Variants in SCAF4 observed in about 807,000 individuals in gnomAD.
SCAF4 encodes the protein SR-related CTD associated factor 4.
Under a neutral mutation model 129.8 loss-of-function variants are expected in SCAF4, and 25 were observed. That is an observed-to-expected ratio of 0.19 (90% CI 0.14 to 0.27). The LOEUF (loss-of-function observed/expected upper bound fraction) is 0.27, where lower values mean the gene tolerates loss of function less well. SCAF4 is among the 10% of genes least tolerant of loss of function. The probability of loss-of-function intolerance (pLI) is 1.00; values close to 1 mark genes in which losing one functional copy is unlikely to be tolerated. For synonymous variants in SCAF4, 551 were observed against 497.7 expected (o/e 1.11, Z -1.43); for missense variants, 1,246 against 1,457.1 (o/e 0.86, Z 2.36).
At chr21:31,729,100 AACAGTTTTGATTACATTATCCC>A (rs2051281419) in intron 1 of SCAF4, among the ~76,000 whole-genome samples, 1 of 152,198 alleles carries the variant, frequency 6.6e-6, no homozygotes, top group Non-Finnish European at 1.5e-5. Flanking sequence ...CTACGAACGA[AACAGTTTTGATTACATTATCCC>A]ACTGCTTAAA....
At chr21:31,678,963 T>C (rs1601181781) in intron 19 of SCAF4, among the ~76,000 whole-genome samples, 1 of 152,144 alleles carries the variant, frequency 6.6e-6, no homozygotes, top group East Asian at 1.9e-4. Context: ...TGGCACACAA[T>C]GGTTATTGAT....
chr21:31,688,531 G>T (rs2050184420), intron 15 of SCAF4, 67 bp from the exon 16 acceptor site: 1 of 1,316,980 alleles, frequency 7.6e-7, no homozygotes, highest in Non-Finnish European at 1.1e-6. Context: ...ATCTAGAAAT[G>T]AAAAATGTTG....
chr21:31,674,378 C>T (rs912909211), intron 19 of SCAF4, among the ~76,000 whole-genome samples: 3 of 152,144 alleles, frequency 2.0e-5, no homozygotes, highest in Non-Finnish European at 4.4e-5. Flanking sequence ...TTGCTTAAAA[C>T]ATTATACACT....
chr21:31,720,724 A>G (rs1247392580), intron 1 of SCAF4, among the ~76,000 whole-genome samples: 1 of 152,256 alleles, frequency 6.6e-6, no homozygotes, highest in African/African-American at 2.4e-5. Flanking sequence ...CTCATTAGCC[A>G]GCACCTGGTT....
chr21:31,694,139 T>C (rs1648881217), intron 11 of SCAF4, 65 bp downstream of exon 11: 36 of 862,864 alleles, frequency 4.2e-5, no homozygotes, highest in South Asian at 3.1e-4. Flanking sequence ...AATAACCCAA[T>C]CTAATTTTAA....
At chr21:31,677,228 T>C (rs1215420072) in intron 19 of SCAF4, among the ~76,000 whole-genome samples, 1 of 152,166 alleles carries the variant, frequency 6.6e-6, no homozygotes, top group Non-Finnish European at 1.5e-5. Context: ...ACACCTGTTA[T>C]TTGTACCCTG....
At chr21:31,727,782 T>A (rs1224847459) in intron 1 of SCAF4, among the ~76,000 whole-genome samples, 1 of 151,400 alleles carries the variant, frequency 6.6e-6, no homozygotes, top group Admixed American at 6.6e-5. Flanking sequence ...AGAGCGGGTC[T>A]CCACCTTAAA....
chr21:31,693,412 C>T lies in SCAF4; in HGVS notation c.1395G>A (p.Arg465=). Residue 465 remains arginine (R), a synonymous_variant, in exon 12 of 20, where the codon CGG becomes CGA. Transcript: ENST00000286835. ...GAGAATGTCGGCGTCTATCCCTGGA[C>T]CGAGATCGAGAACGTCGATGCCGAG... The part of the protein sequence containing the change: ...RRSRHRRSRS[R]SRDRRRHSPR... 1 of 1,573,298 alleles carries T rather than the reference C, an allele frequency of 6.4e-7. No individual in the cohort carries two copies. Among genetic ancestry groups the T allele is most frequent in the Non-Finnish European group, 8.7e-7 (1 of 1,151,382 alleles).
intron 16 of SCAF4, among the ~76,000 whole-genome samples, chr21:31,688,106 C>G (rs553437418): frequency 2.0e-3 from 91 of 45,590 alleles, no homozygotes; most frequent in African/African-American, 0.01. Flanking sequence ...CAAAGAGAGA[C>G]TCTGTCTCAA....
rs1477015250 is a variant in SCAF4 at position 31,691,949 on chromosome 21, A to G, written c.1615-19T>C. 1 of 1,302,050 alleles carries G rather than the reference A, an allele frequency of 7.7e-7. No homozygotes were observed. Among genetic ancestry groups the G allele is most frequent in the Non-Finnish European group, 1.1e-6 (1 of 920,828 alleles). The allele number at this position is 1,302,050 out of a possible 1,614,324, so 80.7% of individuals were successfully genotyped here. On this transcript the variant is annotated intron_variant, in intron 13 of 19. Coordinates refer to ENST00000286835, the MANE Select transcript of SCAF4 (RefSeq NM_020706.2). ...GAATCATCTGCTCCAAAACATTTTA[A>G]TATTATAAAAGATAACAAAATTGAA...
chr21:31,696,012 G>T, intron 9 of SCAF4, 101 bp downstream of exon 9: 1 of 690,512 alleles, frequency 1.4e-6, no homozygotes, highest in South Asian at 2.9e-5. Context: ...GATATAGTAC[G>T]ACTTAGCCAA....
At chr21:31,699,971 GTTGC>G (rs1259390315) in intron 7 of SCAF4, among the ~76,000 whole-genome samples, 1 of 151,800 alleles carries the variant, frequency 6.6e-6, no homozygotes, top group Non-Finnish European at 1.5e-5. Context: ...CTTTTTTGTT[GTTGC>G]TTGTTTTTTA....
chr21:31,700,741 CT>C (rs79606547), intron 7 of SCAF4: 19,168 of 289,406 alleles, frequency 0.066, 27 homozygotes, highest in Non-Finnish European at 0.078. Context: ...CTAACTTTTT[CT>C]TTTTTTTTTT....
chr21:31,731,089 A>C (rs1318727610), intron 1 of SCAF4, among the ~76,000 whole-genome samples: 4 of 152,202 alleles, frequency 2.6e-5, no homozygotes, highest in Non-Finnish European at 5.9e-5. Context: ...CTATTTCCCA[A>C]GTGCGTGAAT....
At chr21:31,720,927 GCAAGTA>G (rs1360947639) in intron 1 of SCAF4, among the ~76,000 whole-genome samples, 1 of 152,134 alleles carries the variant, frequency 6.6e-6, no homozygotes, top group African/African-American at 2.4e-5. Context: ...ATCAGATAAG[GCAAGTA>G]AACAACAAAA....
At chr21:31,727,223 C>T (rs1018561971) in intron 1 of SCAF4, among the ~76,000 whole-genome samples, 16 of 152,026 alleles carry the variant, frequency 1.1e-4, no homozygotes, top group Non-Finnish European at 8.8e-5. Flanking sequence ...GGATTACAGG[C>T]GCCTACCACC....
intron 4 of SCAF4, among the ~76,000 whole-genome samples, chr21:31,702,774 C>T (rs2050565727): frequency 6.6e-6 from 1 of 152,014 alleles, no homozygotes; most frequent in African/African-American, 2.4e-5. Flanking sequence ...GTAGTCAAAA[C>T]TTAAATTATG....
intron 1 of SCAF4, among the ~76,000 whole-genome samples, chr21:31,728,048 G>A (rs570770487): frequency 2.7e-4 from 41 of 152,096 alleles, no homozygotes; most frequent in African/African-American, 9.2e-4. Flanking sequence ...AGAGATGGAC[G>A]TCTTTTACTA....
chr21:31,671,985 G>GGCTGTGGCTGCT lies in SCAF4; in HGVS notation c.2846_2857dup (p.Gln949_Gln952dup), dbSNP rs775473574. 28 of 1,611,178 alleles carry GGCTGTGGCTGCT rather than the reference G, an allele frequency of 1.7e-5. No homozygotes were observed. The highest frequency in any genetic ancestry group is 2.2e-5 in the Non-Finnish European group (26 of 1,177,950). On this transcript the variant is annotated inframe_insertion, in exon 20 of 20. Transcript: ENST00000286835. ...CTGCTGTGGTTGCTGGGGCGCCTGC[G>GGCTGTGGCTGCT]GCTGTGGCTGCTGCTGTGGCTGCTG...
Sources: gnomAD v4.1 joint callset for allele counts (sites outside exome capture counted in the v4.1 genomes callset) on GRCh38, gnomAD v4.1.1 for gene constraint, MANE v1.5 for transcripts, NCBI Gene and HGNC (gene_info 2026-07-23, HGNC 2026-07-21) for gene names.